The following SLC13A1 variants were observed in gnomAD, a reference collection of about 807,000 sequenced individuals.
The protein encoded by SLC13A1 is solute carrier family 13 member 1.
Under a neutral mutation model 70.0 loss-of-function variants are expected in SLC13A1, and 65 were observed. That is an observed-to-expected ratio of 0.93 (90% CI 0.76 to 1.14). SLC13A1 has a LOEUF of 1.14. Ranked by LOEUF, SLC13A1 falls within the 50% of genes most tolerant of loss-of-function variation. SLC13A1 has a pLI of 0.00. For missense variants in SLC13A1, 726 were observed against 717.8 expected, an observed-to-expected ratio of 1.01 and a Z score of -0.13; for synonymous variants, 275 against 250.5, an observed-to-expected ratio of 1.10 and a Z score of -0.92.
At chr7:123,133,005 A>G (rs1188700104) in intron 8 of SLC13A1, among the ~76,000 whole-genome samples, 1 of 152,030 alleles carries the variant, frequency 6.6e-6, no homozygotes, top group Non-Finnish European at 1.5e-5. Context: ...TGTATTTGAC[A>G]TTTTAGTGGC....
chr7:123,197,418 AC>A (rs1178593559), intron 1 of SLC13A1, among the ~76,000 whole-genome samples: 10 of 152,210 alleles, frequency 6.6e-5, no homozygotes, highest in African/African-American at 2.2e-4. Context: ...CAGTTTGGTA[AC>A]CTAAAAGTTA....
At chr7:123,145,591 A>C (rs1314616047) in intron 7 of SLC13A1, among the ~76,000 whole-genome samples, 2 of 152,206 alleles carry the variant, frequency 1.3e-5, no homozygotes, top group Admixed American at 1.3e-4. Flanking sequence ...TGTCAGGTGC[A>C]TTTCTTGTCT....
At chr7:123,170,963 T>TG (rs1795252080) in intron 3 of SLC13A1, among the ~76,000 whole-genome samples, 1 of 152,050 alleles carries the variant, frequency 6.6e-6, no homozygotes, top group Non-Finnish European at 1.5e-5. Context: ...GTCATTTTTT[T>TG]TTTGTATTTA....
intron 7 of SLC13A1, among the ~76,000 whole-genome samples, chr7:123,138,683 C>G (rs533247084): frequency 6.6e-6 from 1 of 152,040 alleles, no homozygotes; most frequent in African/African-American, 2.4e-5. Flanking sequence ...ATGTTGCATG[C>G]TTTTTCATAT....
At position 123,115,381 on chromosome 7, in the gene SLC13A1, G is replaced by C. The variant is rs1269035838; in HGVS notation, c.*137C>G. 2.5e-6 allele frequency: 2 copies of C among 793,476 alleles called. No individual in the cohort carries two copies. The highest frequency in any genetic ancestry group is 5.4e-5 in the East Asian group (2 of 37,314). The allele number at this position is 793,476 out of a possible 1,614,324, so 49.2% of individuals were successfully genotyped here. The stretch of plus-strand genomic sequence containing the variant: ...ACTCTGAGTTATAACAGCAGGTTTC[G>C]GGTATTCACAGGAATTGCAGCAGCT... On this transcript the variant is annotated 3_prime_UTR_variant, in exon 15 of 15. Coordinates refer to ENST00000194130, the MANE Select transcript of SLC13A1 (RefSeq NM_022444.4).
chr7:123,122,349 A>G (rs532015729), intron 12 of SLC13A1, among the ~76,000 whole-genome samples: 1 of 152,308 alleles, frequency 6.6e-6, no homozygotes, highest in South Asian at 2.1e-4. Context: ...TGGAAGAGCC[A>G]TAAGCTTTGA....
chr7:123,116,990 C>T (rs906274853), intron 14 of SLC13A1, among the ~76,000 whole-genome samples: 1 of 152,162 alleles, frequency 6.6e-6, no homozygotes. Flanking sequence ...ACGTTAGGTC[C>T]TGGTATTGAA....
chr7:123,178,049 A>C lies in SLC13A1; in HGVS notation c.228+2924T>G, dbSNP rs752015908. Among the ~76,000 whole-genome samples, 194 of 151,090 alleles carry C rather than the reference A, an allele frequency of 1.3e-3. 2 individuals are homozygous for C. The highest frequency in any genetic ancestry group is 3.3e-3 in the South Asian group (16 of 4,812). On this transcript the variant is annotated intron_variant, in intron 2 of 14. Transcript: ENST00000194130. ...TCTCTCTCTCTATATATATATATAT[A>C]TCTCCATACATGTGTATTTTCACAT...
At chr7:123,142,942 T>G (rs1794210389) in intron 7 of SLC13A1, among the ~76,000 whole-genome samples, 1 of 151,936 alleles carries the variant, frequency 6.6e-6, no homozygotes, top group Non-Finnish European at 1.5e-5. Flanking sequence ...AGTTAGCAGG[T>G]GATGCAACCT....
intron 2 of SLC13A1, among the ~76,000 whole-genome samples, chr7:123,176,734 T>C (rs894232617): frequency 1.3e-5 from 2 of 152,166 alleles, no homozygotes; most frequent in African/African-American, 4.8e-5. Context: ...AATCATTGCC[T>C]CATCTTCAAA....
chr7:123,136,172 C>T (rs531819161), intron 7 of SLC13A1, among the ~76,000 whole-genome samples: 2 of 152,256 alleles, frequency 1.3e-5, no homozygotes, highest in South Asian at 4.1e-4. Flanking sequence ...ATCTTGAAAT[C>T]AGTATGCAGA....
chr7:123,155,862 T>G (rs992936143), intron 6 of SLC13A1, among the ~76,000 whole-genome samples: 1 of 152,094 alleles, frequency 6.6e-6, no homozygotes, highest in Non-Finnish European at 1.5e-5. Flanking sequence ...GTTCTCCATT[T>G]TCAACTTGTA....
rs563998292 is a variant in SLC13A1, at chr7:123,195,787, C to A, written c.99+4061G>T. Among the ~76,000 whole-genome samples the A allele has an allele frequency of 4.5e-4, 68 of 152,004 alleles. No homozygotes were observed. In the South Asian group the frequency reaches 0.011, roughly 25 times the overall value. The stretch of plus-strand genomic sequence containing the variant: ...TAAAATTTGGTATCGGTTTTACAAC[C>A]CATCAACTAAGAAATGCTGCTCAGT... On this transcript the variant is annotated intron_variant, in intron 1 of 14. Coordinates refer to ENST00000194130, the MANE Select transcript of SLC13A1 (RefSeq NM_022444.4).
At chr7:123,151,627 G>A (rs1468307004) in intron 6 of SLC13A1, among the ~76,000 whole-genome samples, 1 of 151,910 alleles carries the variant, frequency 6.6e-6, no homozygotes, top group Non-Finnish European at 1.5e-5. Context: ...AATACAATGA[G>A]GTGGGTAAAA....
intron 2 of SLC13A1, among the ~76,000 whole-genome samples, chr7:123,176,865 A>AT (rs1411687622): frequency 1.3e-5 from 2 of 152,092 alleles, no homozygotes; most frequent in Non-Finnish European, 2.9e-5. Flanking sequence ...TCTTACTGTT[A>AT]TAGCTATGCA....
At chr7:123,177,050 A>G (rs73429532) in intron 2 of SLC13A1, among the ~76,000 whole-genome samples, 7,631 of 152,136 alleles carry the variant, frequency 0.05, 616 homozygotes, top group African/African-American at 0.17. Flanking sequence ...CCTACTCAAC[A>G]TCTTCACTTA....
intron 12 of SLC13A1, 144 bp from the exon 13 acceptor site, chr7:123,119,386 T>A (rs1793298062): frequency 1.5e-6 from 1 of 647,202 alleles, no homozygotes; most frequent in Admixed American, 3.4e-5. Flanking sequence ...TGTGGTTTGG[T>A]AGGTCTGGGT....
At chr7:123,144,732 A>C (rs2116401027) in intron 7 of SLC13A1, among the ~76,000 whole-genome samples, 1 of 152,328 alleles carries the variant, frequency 6.6e-6, no homozygotes, top group African/African-American at 2.4e-5. Context: ...GACCTAAAGC[A>C]CATTTACACG....
At chr7:123,162,369 G>A (rs565635315) in intron 6 of SLC13A1, among the ~76,000 whole-genome samples, 15 of 152,214 alleles carry the variant, frequency 9.9e-5, no homozygotes, top group Non-Finnish European at 2.1e-4. Context: ...CTCTAATAAA[G>A]GTTGAAATCT....
Sources: allele counts gnomAD v4.1 joint callset (sites outside exome capture counted in the v4.1 genomes callset), GRCh38; gene constraint gnomAD v4.1.1; transcripts MANE v1.5; gene names NCBI Gene and HGNC (gene_info 2026-07-23, HGNC 2026-07-21).